The following PUDP variants were observed in gnomAD, a reference collection of about 807,000 sequenced individuals.
PUDP encodes the protein pseudouridine-5'-phosphatase.
PUDP carries 8 observed loss-of-function variants against 9.4 expected under a neutral mutation model. That is an observed-to-expected ratio of 0.85 (90% confidence interval 0.50 to 1.53). PUDP has a LOEUF of 1.53. PUDP is among the 40% of genes most tolerant of loss of function. The pLI is 0.00. For synonymous variants in PUDP, 99 were observed against 80.7 expected (o/e 1.23, Z -1.22); for missense variants, 188 against 189.7 (o/e 0.99, Z 0.05).
chrX:7,055,345 G>A (rs1328622450), intron 3 of PUDP, among the ~76,000 whole-genome samples: 2 of 110,946 alleles, frequency 1.8e-5, no homozygotes, highest in African/African-American at 3.3e-5. Flanking sequence ...TCCACCTCCC[G>A]GGTTCAAGCA....
At chrX:6,949,733 A>C (rs1442383909) in intron 3 of PUDP, among the ~76,000 whole-genome samples, 1 of 112,426 alleles carries the variant, frequency 8.9e-6, no homozygotes, top group African/African-American at 3.2e-5. Context: ...TCTTTTTAAC[A>C]CAACACACAT....
At chrX:6,843,134 TC>T (rs1431876668) in intron 3 of PUDP, among the ~76,000 whole-genome samples, 1 of 112,584 alleles carries the variant, frequency 8.9e-6, no homozygotes, top group Non-Finnish European at 1.9e-5. Context: ...AATACAGCCA[TC>T]TTCTTTCACC....
At chrX:7,079,281 A>G (rs917398879) in intron 2 of PUDP, among the ~76,000 whole-genome samples, 1 of 112,828 alleles carries the variant, frequency 8.9e-6, no homozygotes, top group Admixed American at 9.3e-5. Context: ...AATAAGACAT[A>G]ATTCTAAATG....
chrX:6,869,886 G>C (rs1927147597), intron 3 of PUDP, among the ~76,000 whole-genome samples: 2 of 111,392 alleles, frequency 1.8e-5, no homozygotes, highest in African/African-American at 6.5e-5. Flanking sequence ...ATTATGATAT[G>C]CTCTAGCAAT....
At chrX:6,728,229 A>G (rs1602600197) in intron 3 of PUDP, among the ~76,000 whole-genome samples, 1 of 111,034 alleles carries the variant, frequency 9.0e-6, no homozygotes, top group South Asian at 3.9e-4. Flanking sequence ...ACCGCCCCCC[A>G]TGATTCAATT....
At chrX:6,929,859 G>A (rs1191509645) in intron 3 of PUDP, among the ~76,000 whole-genome samples, 1 of 111,577 alleles carries the variant, frequency 9.0e-6, no homozygotes, top group Non-Finnish European at 1.9e-5. Context: ...ATGACTCTTA[G>A]GGCTTTTCCT....
In PUDP at chrX:6,938,786, CTT is replaced by C. The variant is rs764265665; in HGVS notation, c.*247+38345_*247+38346del. Among the ~76,000 whole-genome samples, 75 of 83,372 alleles carry C rather than the reference CTT, an allele frequency of 9.0e-4. No individual in the cohort carries two copies. The East Asian group carries it at 0.016, about 17-fold the overall frequency. 72.4% of individuals were successfully genotyped at this position (83,372 alleles called of 115,157 possible). On this transcript the variant is annotated intron_variant and NMD_transcript_variant, in intron 3 of 3. Coordinates refer to the PUDP transcript ENST00000655425. ...TTTTTTCTTTTTCTTTTCTTTCTTT[CTT>C]TTTTTTTTTTTTTTTTGCAATACTA...
intron 1 of PUDP, among the ~76,000 whole-genome samples, chrX:6,994,177 C>T (rs1172927862): frequency 8.9e-6 from 1 of 111,854 alleles, no homozygotes; most frequent in Non-Finnish European, 1.9e-5. Flanking sequence ...CTTTGGGAGG[C>T]TGAGGTGGGA....
intron 3 of PUDP, among the ~76,000 whole-genome samples, chrX:6,959,509 T>A (rs905792371): frequency 2.7e-5 from 3 of 112,437 alleles, no homozygotes; most frequent in African/African-American, 9.7e-5. Context: ...CAGGCATGGC[T>A]TCCGCCACCC....
At chrX:7,076,917 C>A (rs1036665996) in intron 3 of PUDP, among the ~76,000 whole-genome samples, 9 of 111,889 alleles carry the variant, frequency 8.0e-5, no homozygotes, top group Non-Finnish European at 1.5e-4. Flanking sequence ...TTAAAACCGC[C>A]GCTTCCCTGG....
intron 2 of PUDP, among the ~76,000 whole-genome samples, chrX:7,102,521 CACA>C (rs1453005185): frequency 1.8e-5 from 2 of 110,114 alleles, no homozygotes; most frequent in Non-Finnish European, 3.8e-5. Flanking sequence ...AGTTCAGGAA[CACA>C]ACAAGGATAC....
At chrX:7,006,535 G>A (rs1929404865) in intron 1 of PUDP, among the ~76,000 whole-genome samples, 1 of 110,862 alleles carries the variant, frequency 9.0e-6, no homozygotes, top group East Asian at 2.8e-4. Flanking sequence ...TTTTAAATTG[G>A]GTTGATTTTT....
chrX:7,070,485 C>T (rs762610006), intron 3 of PUDP, among the ~76,000 whole-genome samples: 2 of 111,069 alleles, frequency 1.8e-5, no homozygotes, highest in African/African-American at 6.6e-5. Flanking sequence ...TGGCTGTGCC[C>T]GTAACTCAGT....
At chrX:6,719,829 G>A (rs770511433) in intron 1 of PUDP, among the ~76,000 whole-genome samples, 1 of 112,041 alleles carries the variant, frequency 8.9e-6, no homozygotes, top group African/African-American at 3.2e-5. Context: ...TGAAGTGGAT[G>A]TTTCACAACA....
At chrX:7,027,369 C>T (rs377107973) in intron 1 of PUDP, among the ~76,000 whole-genome samples, 3 of 110,456 alleles carry the variant, frequency 2.7e-5, no homozygotes, top group Admixed American at 9.7e-5. Flanking sequence ...CTACCATGTA[C>T]GCAGGTGTCT....
At chrX:7,125,215 G>A (rs747653767) in intron 1 of PUDP, among the ~76,000 whole-genome samples, 5 of 111,164 alleles carry the variant, frequency 4.5e-5, no homozygotes, top group Non-Finnish European at 9.4e-5. Flanking sequence ...CTAGGCCTTC[G>A]TTATTGCTAC....
intron 3 of PUDP, among the ~76,000 whole-genome samples, chrX:6,922,463 T>C (rs1446812023): frequency 8.9e-6 from 1 of 112,144 alleles, no homozygotes; most frequent in East Asian, 2.8e-4. Context: ...AGCAAACAAA[T>C]AGGCAAACAA....
At chrX:7,039,171 C>T (rs368359898) in intron 1 of PUDP, among the ~76,000 whole-genome samples, 170 of 111,264 alleles carry the variant, frequency 1.5e-3, no homozygotes, top group African/African-American at 5.3e-3. Context: ...GCTCAGCGAT[C>T]TTCTGCCCTG....
chrX:6,929,873 C>G (rs1928162276), intron 3 of PUDP, among the ~76,000 whole-genome samples: 1 of 111,537 alleles, frequency 9.0e-6, no homozygotes, highest in South Asian at 3.8e-4. Flanking sequence ...TTTTCCTGCC[C>G]CCAGTCCTGT....
Sources: gnomAD v4.1 joint callset for allele counts (sites outside exome capture counted in the v4.1 genomes callset) on GRCh38, gnomAD v4.1.1 for gene constraint, MANE v1.5 for transcripts, NCBI Gene and HGNC (gene_info 2026-07-23, HGNC 2026-07-21) for gene names.